Variants in SPMIP2 observed in about 807,000 individuals in gnomAD.
The protein encoded by SPMIP2 is sperm microtubule inner protein 2, also known as protein SPMIP2.
the SPMIP2 span, among the ~76,000 whole-genome samples, chr4:158,943,858 CTTTTTTT>C: frequency 9.8e-5 from 10 of 101,934 alleles, no homozygotes; most frequent in Admixed American, 3.9e-4. Context: ...TTGACATTTT[CTTTTTTT>C]TTTTTTTTTT....
the SPMIP2 span, among the ~76,000 whole-genome samples, chr4:158,973,664 C>T: frequency 6.6e-6 from 1 of 152,044 alleles, no homozygotes; most frequent in Non-Finnish European, 1.5e-5. Context: ...TCTTAATTGA[C>T]CCATTAAACT....
the SPMIP2 span, among the ~76,000 whole-genome samples, chr4:158,899,760 G>A: frequency 1.4e-4 from 22 of 151,876 alleles, no homozygotes; most frequent in African/African-American, 5.3e-4. Flanking sequence ...TATTAGTCTG[G>A]CTAGTGGTCT....
At chr4:159,004,194 T>C in the SPMIP2 span, among the ~76,000 whole-genome samples, 1 of 151,822 alleles carries the variant, frequency 6.6e-6, no homozygotes, top group South Asian at 2.1e-4. Context: ...TTTTTTGTTG[T>C]ATTTTTGGTA....
the SPMIP2 span, chr4:158,915,223 A>G: frequency 1.5e-4 from 249 of 1,613,760 alleles, 3 homozygotes; most frequent in South Asian, 2.2e-3. Context: ...GCTCTTGGCA[A>G]TGATGACTTA....
At chr4:159,007,080 G>C in the SPMIP2 span, 1 of 559,034 alleles carries the variant, frequency 1.8e-6, no homozygotes, top group Non-Finnish European at 3.5e-6. Flanking sequence ...TGAAGCATAC[G>C]GTAATTAGGA....
chr4:158,982,033 T>C, the SPMIP2 span, among the ~76,000 whole-genome samples: 4 of 151,922 alleles, frequency 2.6e-5, no homozygotes, highest in East Asian at 5.8e-4. Flanking sequence ...TGGAGGAATA[T>C]TTACAAAGTG....
chr4:158,898,829 T>C, the SPMIP2 span, among the ~76,000 whole-genome samples: 4 of 152,226 alleles, frequency 2.6e-5, no homozygotes, highest in Non-Finnish European at 5.9e-5. Flanking sequence ...GCTTTATTTC[T>C]TTCTCTTGCA....
chr4:159,002,766 G>GCACA, the SPMIP2 span, among the ~76,000 whole-genome samples: 42,407 of 148,028 alleles, frequency 0.29, 6,666 homozygotes, highest in Non-Finnish European at 0.34. Context: ...ACATATCACT[G>GCACA]CACACACACA....
At chr4:159,076,027 G>A in the SPMIP2 span, among the ~76,000 whole-genome samples, 1 of 152,082 alleles carries the variant, frequency 6.6e-6, no homozygotes, top group Admixed American at 6.5e-5. Flanking sequence ...TGATGGGGAC[G>A]GTGGTGATGA....
chr4:158,902,744 G>A, the SPMIP2 span, among the ~76,000 whole-genome samples: 1 of 152,198 alleles, frequency 6.6e-6, no homozygotes, highest in Admixed American at 6.5e-5. Context: ...GCTGCAGTGG[G>A]CTCCGCCCAG....
At chr4:159,021,541 G>C in the SPMIP2 span, among the ~76,000 whole-genome samples, 1 of 152,164 alleles carries the variant, frequency 6.6e-6, no homozygotes, top group African/African-American at 2.4e-5. Flanking sequence ...GTACTTTATG[G>C]TCTTCACACA....
chr4:159,009,279 T>C, the SPMIP2 span, among the ~76,000 whole-genome samples: 9 of 152,210 alleles, frequency 5.9e-5, no homozygotes, highest in Non-Finnish European at 8.8e-5. Context: ...ATAAGCATCA[T>C]TGGGGAACTT....
At chr4:158,945,862 G>C in the SPMIP2 span, among the ~76,000 whole-genome samples, 1 of 152,010 alleles carries the variant, frequency 6.6e-6, no homozygotes, top group Non-Finnish European at 1.5e-5. Flanking sequence ...GTAGTCTTCT[G>C]TTCAGTACAT....
At chr4:158,985,846 C>A in the SPMIP2 span, among the ~76,000 whole-genome samples, 1 of 152,136 alleles carries the variant, frequency 6.6e-6, no homozygotes, top group Non-Finnish European at 1.5e-5. Flanking sequence ...GTCAAATTGT[C>A]CCTGTTTGCA....
chr4:158,972,750 C>T, the SPMIP2 span, among the ~76,000 whole-genome samples: 9 of 152,356 alleles, frequency 5.9e-5, no homozygotes, highest in African/African-American at 9.6e-5. Flanking sequence ...TTCTTTCCAT[C>T]GTCCACGCAT....
the SPMIP2 span, among the ~76,000 whole-genome samples, chr4:159,054,789 C>T: frequency 6.6e-6 from 1 of 152,204 alleles, no homozygotes; most frequent in African/African-American, 2.4e-5. Context: ...AATGCACTAT[C>T]TTTCATGGTC....
the SPMIP2 span, among the ~76,000 whole-genome samples, chr4:158,961,042 G>A: frequency 3.3e-5 from 5 of 152,056 alleles, no homozygotes; most frequent in African/African-American, 9.7e-5. Flanking sequence ...ATTGAAAAGC[G>A]TATTGGTCTA....
chr4:158,973,983 C>CAAA, the SPMIP2 span, among the ~76,000 whole-genome samples: 1,331 of 64,032 alleles, frequency 0.021, 86 homozygotes, highest in African/African-American at 0.042. Context: ...AAGGCCACCT[C>CAAA]AAAAAAAAAA....
chr4:158,970,541 A>G, the SPMIP2 span, among the ~76,000 whole-genome samples: 1 of 19,064 alleles, frequency 5.2e-5, no homozygotes, highest in Non-Finnish European at 1.3e-4. Flanking sequence ...CCTTGTCTCA[A>G]AAAAGAAAAA....
Sources: allele counts gnomAD v4.1 joint callset (sites outside exome capture counted in the v4.1 genomes callset), GRCh38; gene constraint gnomAD v4.1.1; transcripts MANE v1.5; gene names NCBI Gene and HGNC (gene_info 2026-07-23, HGNC 2026-07-21).